Variants in NCBP3 observed in about 807,000 individuals in gnomAD.
The protein encoded by NCBP3 is nuclear cap binding subunit 3, also known as nuclear cap-binding protein subunit 3.
A neutral mutation model predicts 75.7 loss-of-function variants in NCBP3; 20 were observed. That is an observed-to-expected ratio of 0.26 (90% CI 0.19 to 0.38). The LOEUF (loss-of-function observed/expected upper bound fraction) is 0.38, where lower values mean the gene tolerates loss of function less well. Ranked by LOEUF, NCBP3 falls within the 10% of genes least tolerant of loss-of-function variation. The pLI is 1.00. For synonymous variants in NCBP3, 293 were observed against 290.5 expected, an observed-to-expected ratio of 1.01 and a Z score of -0.09; for missense variants, 678 against 796.9, an observed-to-expected ratio of 0.85 and a Z score of 1.80.
intron 1 of NCBP3, among the ~76,000 whole-genome samples, chr17:3,843,358 C>G (rs946187659): frequency 6.6e-6 from 1 of 152,102 alleles, no homozygotes; most frequent in East Asian, 1.9e-4. Context: ...CCATCCTCCC[C>G]CTCAGCTGGG....
intron 3 of NCBP3, among the ~76,000 whole-genome samples, chr17:3,830,722 G>C (rs1035864500): frequency 3.3e-5 from 5 of 151,958 alleles, no homozygotes; most frequent in Admixed American, 1.3e-4. Flanking sequence ...CCAGTAGCTG[G>C]GACTATAGGA....
rs1011246746 is a variant in NCBP3, at chr17:3,814,494, A to T, written c.1466-11T>A. 1 of 1,613,778 alleles carries T rather than the reference A, an allele frequency of 6.2e-7. No homozygotes were observed. Among genetic ancestry groups the T allele is most frequent in the Non-Finnish European group, 8.5e-7 (1 of 1,179,926 alleles). The stretch of plus-strand genomic sequence containing the variant: ...ACCGCTGGCGTATATCTGAAAAAAG[A>T]GAAAAAGTGCACCAGTGACCGTGTG... On this transcript the variant is annotated splice_polypyrimidine_tract_variant and intron_variant, in intron 11 of 12. Transcript: ENST00000389005.
intron 12 of NCBP3, among the ~76,000 whole-genome samples, chr17:3,814,006 C>A (rs1466520255): frequency 1.3e-5 from 2 of 152,162 alleles, no homozygotes. Flanking sequence ...TGGCAAACAA[C>A]TACGATAAAA....
At chr17:3,825,711 A>G in intron 6 of NCBP3, 56 bp downstream of exon 6, 1 of 1,330,766 alleles carries the variant, frequency 7.5e-7, no homozygotes, top group South Asian at 1.3e-5. Context: ...TAAGTTAAAA[A>G]GACAGTGAGC....
At chr17:3,838,445 A>G (rs2054012665) in intron 3 of NCBP3, among the ~76,000 whole-genome samples, 1 of 152,208 alleles carries the variant, frequency 6.6e-6, no homozygotes, top group African/African-American at 2.4e-5. Flanking sequence ...CCTTCACAGG[A>G]CTTCTCCTCA....
At chr17:3,826,747 AAAAG>A (rs1196689395) in intron 4 of NCBP3, among the ~76,000 whole-genome samples, 1 of 147,304 alleles carries the variant, frequency 6.8e-6, no homozygotes, top group East Asian at 1.9e-4. Context: ...GAAAGAAAGA[AAAAG>A]AGAGAGAGAG....
intron 3 of NCBP3, among the ~76,000 whole-genome samples, chr17:3,829,743 CGCA>C (rs1567590341): frequency 1.3e-5 from 2 of 152,120 alleles, no homozygotes; most frequent in African/African-American, 4.8e-5. Flanking sequence ...AAGAGAAACG[CGCA>C]GTAGTGGAGA....
rs2053678787 is a variant in NCBP3 at position 3,822,121 on chromosome 17, T to A, written c.797-69A>T. 7.3e-6 allele frequency: 8 copies of A among 1,103,336 alleles called. No homozygotes were observed. The South Asian group carries it at 8.0e-5, about 11-fold the overall frequency. The allele number at this position is 1,103,336 out of a possible 1,614,324, so 68.3% of individuals were successfully genotyped here. A position where few individuals can be genotyped will look rare whatever the true frequency, so the allele number is the denominator to read the frequency against. ...TAAAGACAATGTTGAATTTTTTTTT[T>A]AATGTTTTCCATAGCTGGAATCAGA... On this transcript the variant is annotated intron_variant, in intron 7 of 12. Transcript: ENST00000389005.
In NCBP3 at chr17:3,805,476, AC is replaced by A. The variant is rs2053326834; in HGVS notation, c.*7567del. 6.6e-6 allele frequency: 1 copy of A among 152,312 alleles called. No homozygotes were observed. The highest frequency in any genetic ancestry group is 2.4e-5 in the African/African-American group (1 of 41,548). The allele number at this position is 152,312 out of a possible 1,614,324, so 9.4% of individuals were successfully genotyped here. A position where few individuals can be genotyped will look rare whatever the true frequency, so the allele number is the denominator to read the frequency against. On this transcript the variant is annotated 3_prime_UTR_variant, in exon 13 of 13. Transcript: ENST00000389005. ...ATAATCCAGCAAGATTGGTGGCCTTACAAGAGCCATGTGCAGGCACCAAGAA... is the reference window on the plus strand; with the variant it reads ...ATAATCCAGCAAGATTGGTGGCCTTAAAGAGCCATGTGCAGGCACCAAGAA...
chr17:3,814,521 G>A (rs775139503), intron 11 of NCBP3, 38 bp from the exon 12 acceptor site: 1 of 1,609,174 alleles, frequency 6.2e-7, no homozygotes, highest in Non-Finnish European at 8.5e-7. Context: ...GACCGTGTGT[G>A]TGCTTTATGC....
intron 1 of NCBP3, among the ~76,000 whole-genome samples, chr17:3,845,327 T>C (rs1469486196): frequency 6.6e-6 from 1 of 152,166 alleles, no homozygotes; most frequent in African/African-American, 2.4e-5. Context: ...AGAGGAGTCA[T>C]CCAGGCCTGA....
chr17:3,803,421 A>C lies in NCBP3; in HGVS notation c.*9623T>G, dbSNP rs1017526167. ...TTGGCAAATTTGAAACAGGAACTAC[A>C]AATTAGCAACTCCTGGGCTGATCAG... On this transcript the variant is annotated 3_prime_UTR_variant, in exon 13 of 13. Coordinates refer to ENST00000389005, the MANE Select transcript of NCBP3 (RefSeq NM_001114118.3). The C allele has an allele frequency of 1.3e-5, 2 of 152,256 alleles. No homozygotes were observed. The highest frequency in any genetic ancestry group is 4.8e-5 in the African/African-American group (2 of 41,464). The allele number at this position is 152,256 out of a possible 1,614,324, so 9.4% of individuals were successfully genotyped here.
intron 1 of NCBP3, among the ~76,000 whole-genome samples, 177 bp from the exon 2 acceptor site, chr17:3,843,328 C>T (rs1433874561): frequency 6.6e-6 from 1 of 151,948 alleles, no homozygotes; most frequent in Non-Finnish European, 1.5e-5. Flanking sequence ...TCACCGCAGC[C>T]TCGACTCCCC....
chr17:3,822,093 G>A (rs540135498), intron 7 of NCBP3, 41 bp from the exon 8 acceptor site: 1 of 1,317,232 alleles, frequency 7.6e-7, no homozygotes, highest in African/African-American at 1.5e-5. Flanking sequence ...TTTCCTGTGA[G>A]TGTAAAGACA....
chr17:3,829,220 A>T (rs1489387287), intron 4 of NCBP3, 23 bp downstream of exon 4: 1 of 1,550,566 alleles, frequency 6.4e-7, no homozygotes, highest in East Asian at 2.4e-5. Flanking sequence ...AAGCATATTC[A>T]CAGGAAACTC....
Position 3,826,068 on chromosome 17 carries a change from C to T in NCBP3, c.610+19G>A. On this transcript the variant is annotated intron_variant, in intron 5 of 12. Coordinates refer to ENST00000389005, the MANE Select transcript of NCBP3 (RefSeq NM_001114118.3). ...AGAAGAGGACTTTCAGACCCCAGTTCCCTCCTTTGTGTTGTTACCTTTTTT... is the reference window on the plus strand; with the variant it reads ...AGAAGAGGACTTTCAGACCCCAGTTTCCTCCTTTGTGTTGTTACCTTTTTT... 6.5e-7 allele frequency: 1 copy of T among 1,547,922 alleles called. No homozygotes were observed. The highest frequency in any genetic ancestry group is 8.7e-7 in the Non-Finnish European group (1 of 1,145,244).
Position 3,813,038 on chromosome 17 carries a change from G to A in NCBP3, c.*6C>T, listed in dbSNP as rs377374035. On this transcript the variant is annotated 3_prime_UTR_variant, in exon 13 of 13. Coordinates refer to ENST00000389005, the MANE Select transcript of NCBP3 (RefSeq NM_001114118.3). ...TTTAGGGCAGCTGCCATAGGCCCCA[G>A]GGGCATCAGGACTCTGCCTCTGAAC... 1.2e-6 allele frequency: 2 copies of A among 1,614,108 alleles called. No individual in the cohort carries two copies. Among genetic ancestry groups the A allele is most frequent in the Non-Finnish European group, 1.7e-6 (2 of 1,180,002 alleles).
At chr17:3,829,392 G>A in intron 3 of NCBP3, 24 bp from the exon 4 acceptor site, 1 of 1,549,832 alleles carries the variant, frequency 6.5e-7, no homozygotes, top group Non-Finnish European at 8.7e-7. Context: ...ACACAGAAAA[G>A]ATGATAGAAT....
chr17:3,836,174 C>G (rs2053968610), intron 3 of NCBP3, among the ~76,000 whole-genome samples: 1 of 152,110 alleles, frequency 6.6e-6, no homozygotes, highest in African/African-American at 2.4e-5. Flanking sequence ...AGTGTGGATG[C>G]AGGAGTCAAC....
Sources: allele counts gnomAD v4.1 joint callset (sites outside exome capture counted in the v4.1 genomes callset), GRCh38; gene constraint gnomAD v4.1.1; transcripts MANE v1.5; gene names NCBI Gene and HGNC (gene_info 2026-07-23, HGNC 2026-07-21).